Variants in ARHGAP10 observed in about 807,000 individuals in gnomAD.
ARHGAP10 encodes the protein Rho GTPase activating protein 10, also known as rho GTPase-activating protein 10.
In ARHGAP10, 87 loss-of-function variants were observed where a neutral mutation model predicts 108.6. The observed-to-expected ratio is 0.80, with a 90% confidence interval of 0.67 to 0.96. ARHGAP10 has a LOEUF of 0.96. Ranked by LOEUF, ARHGAP10 falls within the 40% of genes least tolerant of loss-of-function variation. The pLI is 0.00. For synonymous variants in ARHGAP10, 347 were observed against 341.1 expected (o/e 1.02, Z -0.19); for missense variants, 939 against 954.5 (o/e 0.98, Z 0.21).
intron 20 of ARHGAP10, among the ~76,000 whole-genome samples, chr4:148,062,761 C>T (rs1469475324): frequency 6.6e-6 from 1 of 152,126 alleles, no homozygotes; most frequent in Non-Finnish European, 1.5e-5. Flanking sequence ...TCTTTTGCAG[C>T]TGCCGGTCAT....
At chr4:147,936,046 A>G (rs539314568) in intron 13 of ARHGAP10, among the ~76,000 whole-genome samples, 49 of 152,288 alleles carry the variant, frequency 3.2e-4, no homozygotes, top group Admixed American at 3.9e-4. Flanking sequence ...TCACAGAGGC[A>G]TGTTTGCTTG....
intron 13 of ARHGAP10, among the ~76,000 whole-genome samples, chr4:147,924,318 T>C (rs535062813): frequency 4.3e-4 from 65 of 152,342 alleles, no homozygotes; most frequent in African/African-American, 1.5e-3. Context: ...GTTACTACTT[T>C]CCTGTTGTCC....
At chr4:147,810,070 T>C (rs1207699994) in intron 1 of ARHGAP10, among the ~76,000 whole-genome samples, 1 of 152,236 alleles carries the variant, frequency 6.6e-6, no homozygotes, top group Non-Finnish European at 1.5e-5. Context: ...TTTCAATTTC[T>C]TATAGCAGCT....
At position 147,911,371 on chromosome 4, in the gene ARHGAP10, G is replaced by A. The variant is rs138450281; in HGVS notation, c.1162+1594G>A. 5.7e-4 allele frequency among the ~76,000 whole-genome samples: 86 copies of A among 152,162 alleles called. 1 individual carries two copies. Among genetic ancestry groups the A allele is most frequent in the African/African-American group, 1.6e-3 (66 of 41,512 alleles). Reference sequence around the variant, plus strand: ...ACTTAACTTAATTTTTGTTGTTGTCGTTGTTGTTGGAGACAGAGTCTTGCT... The same window carrying A: ...ACTTAACTTAATTTTTGTTGTTGTCATTGTTGTTGGAGACAGAGTCTTGCT... On this transcript the variant is annotated intron_variant, in intron 12 of 22. Transcript: ENST00000336498.
chr4:147,781,637 C>T (rs1260421757), intron 1 of ARHGAP10, among the ~76,000 whole-genome samples: 2 of 151,478 alleles, frequency 1.3e-5, no homozygotes, highest in South Asian at 2.1e-4. Context: ...AAGTGTTTCA[C>T]CTTCTAAATG....
chr4:147,746,741 T>TGGG (rs1217418737), intron 1 of ARHGAP10, among the ~76,000 whole-genome samples: 1 of 152,120 alleles, frequency 6.6e-6, no homozygotes, highest in African/African-American at 2.4e-5. Flanking sequence ...GAAGAAGTGG[T>TGGG]GGGAGGGTGT....
chr4:148,059,126 G>C (rs533427281), intron 20 of ARHGAP10, among the ~76,000 whole-genome samples: 2 of 152,232 alleles, frequency 1.3e-5, no homozygotes, highest in Non-Finnish European at 2.9e-5. Context: ...AAAGAAGGAC[G>C]GTGATGTTGG....
intron 1 of ARHGAP10, among the ~76,000 whole-genome samples, chr4:147,778,765 G>A (rs1363589682): frequency 4.6e-5 from 7 of 152,152 alleles, no homozygotes; most frequent in Admixed American, 3.9e-4. Flanking sequence ...CTCCTTTGCA[G>A]TGTTATCCTC....
chr4:147,870,206 C>T (rs1329253696), intron 7 of ARHGAP10, among the ~76,000 whole-genome samples: 2 of 152,024 alleles, frequency 1.3e-5, no homozygotes, highest in Non-Finnish European at 2.9e-5. Context: ...TGTAGTCCCA[C>T]CTGCCACCAT....
chr4:148,014,867 A>T (rs1741291071), intron 18 of ARHGAP10, among the ~76,000 whole-genome samples: 1 of 152,258 alleles, frequency 6.6e-6, no homozygotes, highest in South Asian at 2.1e-4. Flanking sequence ...AAACATAAAC[A>T]AAATTAGAAA....
intron 1 of ARHGAP10, among the ~76,000 whole-genome samples, chr4:147,733,670 G>A (rs1728313702): frequency 6.6e-6 from 1 of 152,170 alleles, no homozygotes; most frequent in Non-Finnish European, 1.5e-5. Context: ...TGATTATACT[G>A]TCTCGGGCAC....
At chr4:147,835,284 C>A (rs1414338412) in intron 3 of ARHGAP10, among the ~76,000 whole-genome samples, 1 of 152,184 alleles carries the variant, frequency 6.6e-6, no homozygotes, top group Non-Finnish European at 1.5e-5. Flanking sequence ...TCTCTTAACC[C>A]GTGCATCACA....
intron 1 of ARHGAP10, among the ~76,000 whole-genome samples, chr4:147,759,829 A>T (rs1026328507): frequency 6.6e-6 from 1 of 151,986 alleles, no homozygotes; most frequent in African/African-American, 2.4e-5. Flanking sequence ...GCTCACCACA[A>T]CCCTCGCCTT....
chr4:148,009,312 A>T (rs918221907), intron 18 of ARHGAP10, among the ~76,000 whole-genome samples: 4 of 152,068 alleles, frequency 2.6e-5, no homozygotes, highest in Non-Finnish European at 5.9e-5. Context: ...TTGTATTTTT[A>T]GTAGAGACAG....
At chr4:148,030,256 T>G (rs1431921802) in intron 19 of ARHGAP10, among the ~76,000 whole-genome samples, 1 of 152,224 alleles carries the variant, frequency 6.6e-6, no homozygotes, top group Admixed American at 6.5e-5. Flanking sequence ...AGTGGGTTTT[T>G]TCTCCACTTC....
intron 18 of ARHGAP10, among the ~76,000 whole-genome samples, chr4:148,014,434 G>A (rs1173818562): frequency 6.6e-6 from 1 of 152,190 alleles, no homozygotes; most frequent in Non-Finnish European, 1.5e-5. Flanking sequence ...TATAATTGGG[G>A]ATATATGTTC....
chr4:147,790,370 GCAAA>G (rs1731069828), intron 1 of ARHGAP10, among the ~76,000 whole-genome samples: 1 of 152,134 alleles, frequency 6.6e-6, no homozygotes, highest in African/African-American at 2.4e-5. Context: ...TGGGGGAAAC[GCAAA>G]CATTCAGTTC....
chr4:147,797,340 C>G (rs1334269942), intron 1 of ARHGAP10, among the ~76,000 whole-genome samples: 1 of 152,204 alleles, frequency 6.6e-6, no homozygotes. Flanking sequence ...CCTCACCCTT[C>G]CACTGCCACC....
chr4:147,909,954 C>G (rs1736667964), intron 12 of ARHGAP10, among the ~76,000 whole-genome samples, 177 bp downstream of exon 12: 1 of 152,106 alleles, frequency 6.6e-6, no homozygotes, highest in East Asian at 1.9e-4. Context: ...CGGGGACCTC[C>G]TCAACATTTC....
Sources: gnomAD v4.1 joint callset for allele counts (sites outside exome capture counted in the v4.1 genomes callset) on GRCh38, gnomAD v4.1.1 for gene constraint, MANE v1.5 for transcripts, NCBI Gene and HGNC (gene_info 2026-07-23, HGNC 2026-07-21) for gene names.